CD55: variants seen among roughly 807,000 people sequenced by gnomAD.
CD55 encodes the protein complement decay-accelerating factor.
A neutral mutation model predicts 45.8 loss-of-function variants in CD55; 41 were observed. The observed-to-expected ratio is 0.90, with a 90% CI of 0.70 to 1.16. CD55 has a LOEUF of 1.16. Ranked by LOEUF, CD55 falls within the 50% of genes most tolerant of loss-of-function variation. The probability of loss-of-function intolerance (pLI) is 0.00; values close to 1 mark genes in which losing one functional copy is unlikely to be tolerated. For synonymous variants in CD55, 181 were observed against 181.1 expected (o/e 1.00, Z 0.01); for missense variants, 416 against 469.8 (o/e 0.89, Z 1.06).
At chr1:207,343,530 T>C (rs1263102854) in intron 9 of CD55, among the ~76,000 whole-genome samples, 2 of 152,196 alleles carry the variant, frequency 1.3e-5, no homozygotes, top group Non-Finnish European at 2.9e-5. Context: ...CATTATGGTT[T>C]GAGAAGATAC....
At chr1:207,358,507 A>G (rs760232802) in intron 9 of CD55, 6 of 152,166 alleles carry the variant, frequency 3.9e-5, no homozygotes, top group Non-Finnish European at 5.9e-5. Context: ...TTTCTTCTCT[A>G]CTATTCAGCT....
chr1:207,324,313 T>A (rs1371820313), intron 2 of CD55, among the ~76,000 whole-genome samples: 1 of 151,962 alleles, frequency 6.6e-6, no homozygotes, highest in Non-Finnish European at 1.5e-5. Flanking sequence ...TTTTTTTTTT[T>A]AAGTGGGGAT....
In CD55 at chr1:207,336,719, C is replaced by A; in HGVS notation, c.880C>A (p.Pro294Thr). The change falls in exon 7 of 10, where the codon CCA becomes ACA. Residue 294 changes from proline to threonine, a missense_variant. Physicochemically the swap from Pro to Thr is conservative, Grantham distance 38. Transcript: ENST00000367064. ...AAAATCTCTAACTTCCAAGGTCCCA[C>A]CAACAGTTCAGAAACCTACCACAGT... ...RGKSLTSKVP[P>T]TVQKPTTVNV... 1 of 1,613,864 alleles carries A rather than the reference C, an allele frequency of 6.2e-7. No individual in the cohort carries two copies. The highest frequency in any genetic ancestry group is 8.5e-7 in the Non-Finnish European group (1 of 1,179,836).
At chr1:207,354,093 C>CT in intron 9 of CD55, 1 of 1,529,568 alleles carries the variant, frequency 6.5e-7, no homozygotes, top group South Asian at 1.2e-5. Context: ...CACTCCAGTT[C>CT]TTGGAGGTAG....
intron 6 of CD55, 78 bp from the exon 7 acceptor site, chr1:207,336,615 C>T (rs1655181495): frequency 2.0e-6 from 3 of 1,510,994 alleles, no homozygotes; most frequent in South Asian, 2.4e-5. Flanking sequence ...AGGATAGCCA[C>T]AGAGCAAGCA....
At chr1:207,324,298 AT>A (rs57832566) in intron 2 of CD55, among the ~76,000 whole-genome samples, 351 of 144,312 alleles carry the variant, frequency 2.4e-3, no homozygotes, top group Middle Eastern at 3.6e-3. Context: ...GGCAACTTAA[AT>A]TTTTTTTTTT....
intron 9 of CD55, among the ~76,000 whole-genome samples, chr1:207,341,659 C>T (rs962437547): frequency 6.6e-6 from 1 of 151,954 alleles, no homozygotes; most frequent in Non-Finnish European, 1.5e-5. Flanking sequence ...TTACTATAAC[C>T]TTATATTTTG....
In CD55 at chr1:207,360,400, G is replaced by A. The variant is rs1656253609; in HGVS notation, c.*790G>A. On this transcript the variant is annotated 3_prime_UTR_variant, in exon 10 of 10. Coordinates refer to ENST00000367064, the MANE Select transcript of CD55 (RefSeq NM_000574.5). ...TATTTATTTATATTTATTTATGACA[G>A]TGAACATTCTGATTTTACATGTAAA... 1 of 152,074 alleles carries A rather than the reference G, an allele frequency of 6.6e-6. No individual in the cohort carries two copies. The highest frequency in any genetic ancestry group is 2.4e-5 in the African/African-American group (1 of 41,424). 9.4% of individuals were successfully genotyped at this position (152,074 alleles called of 1,614,324 possible). A position where few individuals can be genotyped will look rare whatever the true frequency, so the allele number is the denominator to read the frequency against.
At chr1:207,346,934 G>A (rs1405879485) in intron 9 of CD55, among the ~76,000 whole-genome samples, 1 of 152,142 alleles carries the variant, frequency 6.6e-6, no homozygotes, top group Non-Finnish European at 1.5e-5. Context: ...CAGAGGGAAT[G>A]TGGACTGCTG....
intron 2 of CD55, among the ~76,000 whole-genome samples, 192 bp from the exon 3 acceptor site, chr1:207,324,367 C>T (rs528773142): frequency 6.6e-6 from 1 of 151,642 alleles, no homozygotes; most frequent in South Asian, 2.1e-4. Flanking sequence ...CCTCTAGTAA[C>T]TAGGAAACAA....
chr1:207,324,718 T>A lies in CD55; in HGVS notation c.446T>A (p.Leu149Ter), dbSNP rs1654593288. 1.2e-6 allele frequency: 2 copies of A among 1,612,848 alleles called. No homozygotes were observed. The highest frequency in any genetic ancestry group is 1.7e-6 in the Non-Finnish European group (2 of 1,179,514). The part of the protein sequence containing the change: ...LSPKLTCLQN[L>*]KWSTAVEFCK... ...CCAAAACTAACTTGCCTTCAGAATT[T>A]AAAATGGTCCACAGCAGTCGAATTT... is the stretch of plus-strand genomic sequence containing the variant. Residue 149 changes from leucine (L) to a stop codon, truncating the protein, a stop_gained, in exon 3 of 10, where the codon TTA (leucine) becomes TAA (stop). Coordinates refer to ENST00000367064, the MANE Select transcript of CD55 (RefSeq NM_000574.5). LOFTEE classifies it high-confidence loss of function.
chr1:207,343,425 C>T (rs1655511197), intron 9 of CD55, among the ~76,000 whole-genome samples: 1 of 152,098 alleles, frequency 6.6e-6, no homozygotes, highest in Admixed American at 6.5e-5. Flanking sequence ...GAATTTCTCC[C>T]TTGACCTAAT....
intron 6 of CD55, among the ~76,000 whole-genome samples, chr1:207,335,724 G>C (rs1330641915): frequency 6.6e-6 from 1 of 152,076 alleles, no homozygotes; most frequent in Non-Finnish European, 1.5e-5. Context: ...TAGGTTAGGA[G>C]GCAGAAAAAA....
At position 207,330,038 on chromosome 1, in the gene CD55, T is replaced by TC. The variant is rs1276555725; in HGVS notation, c.665-1070_665-1069insC. On this transcript the variant is annotated intron_variant, in intron 5 of 9. Transcript: ENST00000367064. ...TTATTGAAATCATTTCTGAATCTTT[T>TC]TTCCCACTAGCTTTTAAGACATAGG... Among the ~76,000 whole-genome samples the TC allele has an allele frequency of 6.4e-5, 5 of 77,736 alleles. No individual in the cohort carries two copies. In the South Asian group the frequency reaches 1.3e-3, roughly 20 times the overall value. The allele number at this position is 77,736 out of a possible 152,430, so 51.0% of individuals were successfully genotyped here. A position where few individuals can be genotyped will look rare whatever the true frequency, so the allele number is the denominator to read the frequency against.
intron 3 of CD55, 23 bp from the exon 4 acceptor site, chr1:207,325,599 A>T (rs766196451): frequency 6.7e-7 from 1 of 1,485,692 alleles, no homozygotes; most frequent in Non-Finnish European, 9.4e-7. Flanking sequence ...AATTTTAAAA[A>T]ATCAATTTGT....
intron 5 of CD55, among the ~76,000 whole-genome samples, chr1:207,327,962 A>G (rs992120576): frequency 1.3e-5 from 2 of 152,214 alleles, no homozygotes; most frequent in Non-Finnish European, 2.9e-5. Flanking sequence ...ATTGTAAATG[A>G]TAGTAAATTA....
chr1:207,350,244 C>A, intron 9 of CD55: 1 of 353,426 alleles, frequency 2.8e-6, no homozygotes, highest in Non-Finnish European at 5.6e-6. Context: ...ATTTGATGTG[C>A]TGCTGGATTT....
At chr1:207,323,203 T>C (rs1025048389) in intron 2 of CD55, among the ~76,000 whole-genome samples, 1 of 150,992 alleles carries the variant, frequency 6.6e-6, no homozygotes, top group Non-Finnish European at 1.5e-5. Flanking sequence ...GATATATATA[T>C]ATAAGGAGAT....
At chr1:207,337,508 T>C (rs1655238637) in intron 8 of CD55, 99 bp downstream of exon 8, 2 of 712,292 alleles carry the variant, frequency 2.8e-6, no homozygotes, top group African/African-American at 3.6e-5. Flanking sequence ...GTCTCTAATT[T>C]ATTGTAGCCA....
Sources: gnomAD v4.1 joint callset for allele counts (sites outside exome capture counted in the v4.1 genomes callset) on GRCh38, gnomAD v4.1.1 for gene constraint, MANE v1.5 for transcripts, NCBI Gene and HGNC (gene_info 2026-07-23, HGNC 2026-07-21) for gene names.